Variants in ETFA observed in about 807,000 individuals in gnomAD.
ETFA encodes the protein electron transfer flavoprotein subunit alpha.
In ETFA, 22 loss-of-function variants were observed where a neutral mutation model predicts 46.2. The observed-to-expected ratio is 0.48, with a 90% CI of 0.34 to 0.68. The LOEUF (loss-of-function observed/expected upper bound fraction) is 0.68. Among genes scored for constraint, ETFA ranks in the 30% least tolerant of loss-of-function variants. ETFA has a pLI of 0.01. For missense variants in ETFA, 345 were observed against 401.1 expected (o/e 0.86, Z 1.19); for synonymous variants, 131 against 139.9 (o/e 0.94, Z 0.45).
chr15:76,296,080 G>A (rs908322882), intron 1 of ETFA, among the ~76,000 whole-genome samples: 1 of 150,892 alleles, frequency 6.6e-6, no homozygotes, highest in Admixed American at 6.6e-5. Flanking sequence ...TGAGTAGCTG[G>A]AACTACAGGC....
intron 1 of ETFA, 34 bp downstream of exon 1, chr15:76,311,316 C>T: frequency 1.3e-6 from 2 of 1,550,504 alleles, no homozygotes; most frequent in Non-Finnish European, 8.7e-7. Context: ...GACGGGGGGC[C>T]GTCCCTGGGT....
chr15:76,307,939 A>AT (rs796357127), intron 1 of ETFA, among the ~76,000 whole-genome samples: 144 of 150,066 alleles, frequency 9.6e-4, no homozygotes, highest in African/African-American at 2.2e-3. Context: ...GCTACAGAAC[A>AT]TTTTTTTTTT....
Position 76,286,459 on chromosome 15 carries a change from C to T in ETFA, c.474G>A (p.Lys158=), listed in dbSNP as rs1360157633. The T allele has an allele frequency of 6.2e-7, 1 of 1,611,922 alleles. No homozygotes were observed. The highest frequency in any genetic ancestry group is 2.2e-5 in the East Asian group (1 of 44,860). The change falls in exon 6 of 12, where the codon AAG becomes AAA. Residue 158 remains lysine (K), a synonymous_variant. Transcript: ENST00000557943. ...AAAACACTTTCACTTTCTCATCACA[C>T]TTCACTGTACATAGAGCATTTCCTG... ...IYAGNALCTV[K]CDEKVKVFSV...
At chr15:76,303,504 T>A (rs981185172) in intron 1 of ETFA, among the ~76,000 whole-genome samples, 1 of 145,946 alleles carries the variant, frequency 6.9e-6, no homozygotes, top group African/African-American at 2.7e-5. Context: ...CACAGCAAAA[T>A]AAACTATCAA....
At chr15:76,259,548 C>G (rs1478480225) in intron 9 of ETFA, 7 of 1,031,572 alleles carry the variant, frequency 6.8e-6, no homozygotes, top group Non-Finnish European at 1.1e-5. Flanking sequence ...CATGATCTCC[C>G]ACATGGTCAC....
At chr15:76,232,373 GAACA>G (rs1173968185) in intron 9 of ETFA, among the ~76,000 whole-genome samples, 3 of 152,322 alleles carry the variant, frequency 2.0e-5, no homozygotes, top group African/African-American at 4.8e-5. Flanking sequence ...CAGAAAAACT[GAACA>G]AACAAGTCCT....
rs112363520 is a variant in ETFA at position 76,225,323 on chromosome 15, C to G, written c.963+526G>C. 2.0e-3 allele frequency among the ~76,000 whole-genome samples: 308 copies of G among 152,236 alleles called. 3 individuals are homozygous for G. Among genetic ancestry groups the G allele is most frequent in the African/African-American group, 6.8e-3 (283 of 41,538 alleles). Reference sequence around the variant, plus strand: ...TGTTTTTGAGACAGAGTCTCTCACTCTGTCACCCAGGCTGGAGTGTAGTGG... The same window carrying G: ...TGTTTTTGAGACAGAGTCTCTCACTGTGTCACCCAGGCTGGAGTGTAGTGG... On this transcript the variant is annotated intron_variant, in intron 11 of 11. Transcript: ENST00000557943.
chr15:76,238,474 A>C (rs1438157900), intron 9 of ETFA, among the ~76,000 whole-genome samples: 1 of 152,212 alleles, frequency 6.6e-6, no homozygotes, highest in Non-Finnish European at 1.5e-5. Context: ...TGCTCAAAAA[A>C]ACAATACCCC....
At chr15:76,267,612 T>G (rs779866043) in intron 9 of ETFA, among the ~76,000 whole-genome samples, 130 of 152,308 alleles carry the variant, frequency 8.5e-4, no homozygotes, top group Non-Finnish European at 1.7e-3. Flanking sequence ...AGCAAGTTTT[T>G]CAAACTGACA....
intron 9 of ETFA, among the ~76,000 whole-genome samples, chr15:76,250,251 A>G (rs1028396033): frequency 2.6e-5 from 4 of 152,146 alleles, no homozygotes; most frequent in African/African-American, 7.2e-5. Flanking sequence ...TATATAGGAC[A>G]TTACTAATGA....
intron 9 of ETFA, among the ~76,000 whole-genome samples, chr15:76,247,089 C>G (rs1449962983): frequency 6.6e-6 from 1 of 152,178 alleles, no homozygotes; most frequent in Non-Finnish European, 1.5e-5. Context: ...AAGATTTTGA[C>G]TCTTTCCAAA....
intron 9 of ETFA, chr15:76,260,301 G>A (rs1038815451): frequency 8.2e-6 from 10 of 1,223,198 alleles, no homozygotes; most frequent in Admixed American, 3.4e-5. Flanking sequence ...CTCTCCCCGG[G>A]AAATGACACT....
Position 76,310,369 on chromosome 15 carries a change from GA to G in ETFA, c.39+980del, listed in dbSNP as rs34111559. On this transcript the variant is annotated intron_variant, in intron 1 of 11. Coordinates refer to ENST00000557943, the MANE Select transcript of ETFA (RefSeq NM_000126.4). ...GTGGATGGGAAAATATCCATGCCCA[GA>G]AAAAAAAAAAAAAAAAAAAAAAGGA... Among the ~76,000 whole-genome samples the G allele has an allele frequency of 2.4e-3, 252 of 104,432 alleles. 2 individuals are homozygous for G. The highest frequency in any genetic ancestry group is 8.6e-3 in the African/African-American group (231 of 26,918). 68.5% of individuals were successfully genotyped at this position (104,432 alleles called of 152,430 possible). A position where few individuals can be genotyped will look rare whatever the true frequency, so the allele number is the denominator to read the frequency against.
intron 11 of ETFA, among the ~76,000 whole-genome samples, chr15:76,222,555 T>C (rs77815174): frequency 0.063 from 9,558 of 151,988 alleles, 413 homozygotes; most frequent in Non-Finnish European, 0.089. Flanking sequence ...CTGTCAAAGG[T>C]GCGATTTTTA....
intron 8 of ETFA, among the ~76,000 whole-genome samples, chr15:76,274,937 C>T (rs1174201483): frequency 6.6e-6 from 1 of 152,118 alleles, no homozygotes; most frequent in African/African-American, 2.4e-5. Context: ...CAGGAGTCAA[C>T]AATGAGCCCT....
At position 76,216,489 on chromosome 15, in the gene ETFA, T is replaced by C; in HGVS notation, c.*70A>G. ...CCATGCTTTCCAATGATTGTTATAA[T>C]ACCCACAAATATCTGTGATTTCAGT... is the stretch of plus-strand genomic sequence containing the variant. On this transcript the variant is annotated 3_prime_UTR_variant, in exon 12 of 12. Coordinates refer to ENST00000557943, the MANE Select transcript of ETFA (RefSeq NM_000126.4). 1 of 920,370 alleles carries C rather than the reference T, an allele frequency of 1.1e-6. No homozygotes were observed. Among genetic ancestry groups the C allele is most frequent in the Non-Finnish European group, 1.8e-6 (1 of 554,232 alleles). The allele number at this position is 920,370 out of a possible 1,614,324, so 57.0% of individuals were successfully genotyped here. A position where few individuals can be genotyped will look rare whatever the true frequency, so the allele number is the denominator to read the frequency against.
intron 10 of ETFA, among the ~76,000 whole-genome samples, chr15:76,227,482 T>C (rs920586603): frequency 8.4e-6 from 1 of 119,328 alleles, no homozygotes; most frequent in African/African-American, 3.4e-5. Context: ...GTGCACCGTA[T>C]GTTAGCATGG....
chr15:76,295,786 G>GTTTT (rs59517673), intron 1 of ETFA, 49 bp from the exon 2 acceptor site: 535 of 1,101,740 alleles, frequency 4.9e-4, no homozygotes, highest in African/African-American at 1.4e-3. Flanking sequence ...TTGTCACAGG[G>GTTTT]TTTTTTTTTT....
chr15:76,281,897 CTTTTT>C (rs34309169), intron 8 of ETFA, among the ~76,000 whole-genome samples: 1 of 78,102 alleles, frequency 1.3e-5, no homozygotes, highest in African/African-American at 5.1e-5. Context: ...TACACGTATC[CTTTTT>C]TTTTTTTTTT....
Sources: gnomAD v4.1 joint callset for allele counts (sites outside exome capture counted in the v4.1 genomes callset) on GRCh38, gnomAD v4.1.1 for gene constraint, MANE v1.5 for transcripts, NCBI Gene and HGNC (gene_info 2026-07-23, HGNC 2026-07-21) for gene names.